TMEFF1: variants seen among roughly 807,000 people sequenced by gnomAD.
TMEFF1 encodes transmembrane protein with EGF like and two follistatin like domains 1.
TMEFF1 carries 20 observed loss-of-function variants against 47.5 expected under a neutral mutation model. The ratio of observed to expected loss-of-function variants is 0.42; its 90% CI spans 0.30 to 0.61. The LOEUF (loss-of-function observed/expected upper bound fraction) is 0.61, where lower values mean the gene tolerates loss of function less well. Among genes scored for constraint, TMEFF1 ranks in the 20% least tolerant of loss-of-function variants. The pLI, the probability that TMEFF1 is intolerant of heterozygous loss-of-function variation, is 0.19. For missense variants in TMEFF1, 411 were observed against 471.1 expected, an observed-to-expected ratio of 0.87 and a Z score of 1.18; for synonymous variants, 162 against 166.3, an observed-to-expected ratio of 0.97 and a Z score of 0.20.
intron 7 of TMEFF1, among the ~76,000 whole-genome samples, chr9:100,559,192 G>T (rs1838969575): frequency 6.6e-6 from 1 of 152,212 alleles, no homozygotes; most frequent in Non-Finnish European, 1.5e-5. Context: ...AGGCAGTATT[G>T]TGAGTGTTAT....
At chr9:100,561,556 T>C (rs1446489318) in intron 8 of TMEFF1, 36 bp downstream of exon 8, 2 of 1,587,920 alleles carry the variant, frequency 1.3e-6, no homozygotes, top group Non-Finnish European at 8.6e-7. Flanking sequence ...GTGAGCATTT[T>C]TTTTCATCAA....
intron 2 of TMEFF1, among the ~76,000 whole-genome samples, chr9:100,508,414 T>C (rs1837901199): frequency 1.3e-5 from 2 of 152,238 alleles, no homozygotes; most frequent in Admixed American, 1.3e-4. Flanking sequence ...AGGATGCTTT[T>C]CTTGAATACT....
intron 9 of TMEFF1, among the ~76,000 whole-genome samples, chr9:100,573,208 G>A (rs868262536): frequency 6.6e-6 from 1 of 152,032 alleles, no homozygotes; most frequent in African/African-American, 2.4e-5. Context: ...AACTGCAAGG[G>A]GTTCTGTGCC....
chr9:100,528,115 A>G (rs1322785016), intron 5 of TMEFF1, among the ~76,000 whole-genome samples: 1 of 151,412 alleles, frequency 6.6e-6, no homozygotes, highest in Non-Finnish European at 1.5e-5. Context: ...AAAGACCAAA[A>G]GTAGATAAAA....
At chr9:100,535,898 T>C (rs1211429418) in intron 5 of TMEFF1, among the ~76,000 whole-genome samples, 2 of 152,240 alleles carry the variant, frequency 1.3e-5, no homozygotes, top group African/African-American at 2.4e-5. Flanking sequence ...CTTTTTCACA[T>C]TATTTCACTG....
At chr9:100,526,688 AT>A (rs1317928339) in intron 5 of TMEFF1, among the ~76,000 whole-genome samples, 4 of 151,580 alleles carry the variant, frequency 2.6e-5, no homozygotes, top group African/African-American at 9.7e-5. Context: ...GGACTCATGG[AT>A]TTTTCTTTTA....
chr9:100,556,871 A>G (rs1838925163), intron 7 of TMEFF1, among the ~76,000 whole-genome samples: 1 of 152,044 alleles, frequency 6.6e-6, no homozygotes, highest in Non-Finnish European at 1.5e-5. Context: ...TTTGAGACAC[A>G]GTCTCGCTCT....
intron 1 of TMEFF1, among the ~76,000 whole-genome samples, chr9:100,486,379 A>G (rs1049774783): frequency 3.9e-5 from 6 of 152,122 alleles, no homozygotes; most frequent in African/African-American, 1.4e-4. Context: ...AGTAGCTGGG[A>G]TTACCGGCGC....
intron 3 of TMEFF1, 29 bp from the exon 4 acceptor site, chr9:100,513,278 T>C: frequency 6.3e-7 from 1 of 1,580,620 alleles, no homozygotes; most frequent in Non-Finnish European, 8.5e-7. Flanking sequence ...GGAAAAATGT[T>C]CATATTCATT....
intron 5 of TMEFF1, among the ~76,000 whole-genome samples, chr9:100,525,764 C>G (rs555369786): frequency 6.6e-6 from 1 of 152,184 alleles, no homozygotes; most frequent in Non-Finnish European, 1.5e-5. Flanking sequence ...CTCCCTGCCC[C>G]CTCACCCCAT....
intron 8 of TMEFF1, among the ~76,000 whole-genome samples, chr9:100,567,548 C>T (rs752146054): frequency 6.6e-6 from 1 of 152,138 alleles, no homozygotes; most frequent in Non-Finnish European, 1.5e-5. Flanking sequence ...GTTCTGTTCA[C>T]TGATACATCC....
intron 1 of TMEFF1, among the ~76,000 whole-genome samples, chr9:100,484,946 GGATTACAGGCAT>G (rs1458391896): frequency 2.0e-5 from 3 of 151,986 alleles, no homozygotes; most frequent in Non-Finnish European, 4.4e-5. Context: ...TAAAATGTTG[GGATTACAGGCAT>G]GAGCTACCAA....
At chr9:100,522,516 C>A (rs1838181919) in intron 5 of TMEFF1, among the ~76,000 whole-genome samples, 1 of 140,458 alleles carries the variant, frequency 7.1e-6, no homozygotes, top group Admixed American at 8.0e-5. Flanking sequence ...TGGCTCACTG[C>A]AACTTCCGCC....
At chr9:100,517,425 A>G (rs1269273074) in intron 5 of TMEFF1, among the ~76,000 whole-genome samples, 1 of 152,124 alleles carries the variant, frequency 6.6e-6, no homozygotes, top group African/African-American at 2.4e-5. Flanking sequence ...ACTTGTACAT[A>G]TTTTTGGTGT....
chr9:100,571,906 A>G (rs1229103564), intron 8 of TMEFF1, among the ~76,000 whole-genome samples: 1 of 152,270 alleles, frequency 6.6e-6, no homozygotes, highest in East Asian at 1.9e-4. Flanking sequence ...GCAGCTCACA[A>G]TAGGGTTTGC....
In TMEFF1 at chr9:100,490,865, G is replaced by GTGTGTGTGTA. The variant is rs1159901701; in HGVS notation, c.197-7893_197-7892insGTATGTGTGT. The stretch of plus-strand genomic sequence containing the variant: ...TGTGTGTGTGTGTGTGTGTGTGTGT[G>GTGTGTGTGTA]TGTGTGTATGTGTGTATGTGTGTAT... On this transcript the variant is annotated intron_variant, in intron 1 of 9. Transcript: ENST00000374879. 3.7e-3 allele frequency among the ~76,000 whole-genome samples: 554 copies of GTGTGTGTGTA among 148,050 alleles called. 2 individuals carry two copies. The East Asian group carries it at 0.046, about 12-fold the overall frequency.
chr9:100,533,219 C>T (rs997427556), intron 5 of TMEFF1, among the ~76,000 whole-genome samples: 14 of 151,892 alleles, frequency 9.2e-5, no homozygotes, highest in East Asian at 3.9e-4. Context: ...GCACATGTAC[C>T]GTAGAACTTA....
intron 1 of TMEFF1, among the ~76,000 whole-genome samples, chr9:100,494,740 A>C (rs561681764): frequency 6.6e-6 from 1 of 152,324 alleles, no homozygotes; most frequent in African/African-American, 2.4e-5. Flanking sequence ...TCTCTAAGTA[A>C]GAAGGGGAGA....
Position 100,513,168 on chromosome 9 carries a change from AATAAG to A in TMEFF1, c.437-135_437-131del, listed in dbSNP as rs202127487. On this transcript the variant is annotated intron_variant, in intron 3 of 9. Transcript: ENST00000374879. The stretch of plus-strand genomic sequence containing the variant: ...AGCATAAAATAAGTATGTAAGAATA[AATAAG>A]ATATCAAAAATATGAGAAAAGGACT... 164 of 1,176,806 alleles carry A rather than the reference AATAAG, an allele frequency of 1.4e-4. No individual in the cohort carries two copies. In the East Asian group the frequency reaches 3.7e-3, roughly 26 times the overall value. The allele number at this position is 1,176,806 out of a possible 1,614,324, so 72.9% of individuals were successfully genotyped here.
Sources: gnomAD v4.1 joint callset for allele counts (sites outside exome capture counted in the v4.1 genomes callset) on GRCh38, gnomAD v4.1.1 for gene constraint, MANE v1.5 for transcripts, NCBI Gene and HGNC (gene_info 2026-07-23, HGNC 2026-07-21) for gene names.